ADSS2: variants seen among roughly 807,000 people sequenced by gnomAD.
ADSS2 encodes adenylosuccinate synthetase isozyme 2.
In ADSS2, 30 loss-of-function variants were observed where a neutral mutation model predicts 60.0. That is an observed-to-expected ratio of 0.50 (90% CI 0.37 to 0.68). The LOEUF (loss-of-function observed/expected upper bound fraction) is 0.68. Among genes scored for constraint, ADSS2 ranks in the 30% least tolerant of loss-of-function variants. The pLI is 0.00. For synonymous variants in ADSS2, 187 were observed against 193.1 expected, an observed-to-expected ratio of 0.97 and a Z score of 0.26; for missense variants, 373 against 554.8, an observed-to-expected ratio of 0.67 and a Z score of 3.29.
chr1:244,444,291 G>GGA (rs1455238072), intron 1 of ADSS2, among the ~76,000 whole-genome samples: 2 of 151,208 alleles, frequency 1.3e-5, no homozygotes, highest in African/African-American at 2.4e-5. Context: ...CGAGGCGGGC[G>GGA]GATCACGAGG....
chr1:244,417,117 C>T (rs1170248600), intron 10 of ADSS2, among the ~76,000 whole-genome samples: 2 of 152,150 alleles, frequency 1.3e-5, no homozygotes, highest in African/African-American at 4.8e-5. Context: ...GCTCTCACTA[C>T]GTTTCTCACC....
chr1:244,414,668 C>T (rs879914397), intron 11 of ADSS2, among the ~76,000 whole-genome samples: 2 of 152,230 alleles, frequency 1.3e-5, no homozygotes, highest in Non-Finnish European at 2.9e-5. Flanking sequence ...CCTACAGGAG[C>T]TATTCCCAGA....
intron 4 of ADSS2, among the ~76,000 whole-genome samples, chr1:244,426,705 A>T (rs1321125726): frequency 3.3e-5 from 5 of 152,126 alleles, no homozygotes; most frequent in African/African-American, 1.2e-4. Flanking sequence ...GCTTTCTCAC[A>T]TCTCCCTGAG....
chr1:244,423,749 T>A (rs1664727333), intron 6 of ADSS2, among the ~76,000 whole-genome samples: 1 of 152,202 alleles, frequency 6.6e-6, no homozygotes, highest in South Asian at 2.1e-4. Context: ...TTCTATTAAA[T>A]CACCGTCATG....
At chr1:244,429,912 AAT>A (rs1252215425) in intron 4 of ADSS2, among the ~76,000 whole-genome samples, 1 of 152,034 alleles carries the variant, frequency 6.6e-6, no homozygotes, top group African/African-American at 2.4e-5. Flanking sequence ...TAAAATAAAA[AAT>A]ATGTTTCTTA....
At chr1:244,438,221 T>C (rs1476882578) in intron 1 of ADSS2, among the ~76,000 whole-genome samples, 1 of 152,160 alleles carries the variant, frequency 6.6e-6, no homozygotes, top group African/African-American at 2.4e-5. Flanking sequence ...CCTAAGAGTG[T>C]GTCAAGCAAC....
intron 4 of ADSS2, among the ~76,000 whole-genome samples, chr1:244,425,089 T>G (rs1275370283): frequency 1.3e-5 from 2 of 152,172 alleles, no homozygotes; most frequent in Non-Finnish European, 2.9e-5. Context: ...ACATAACTTG[T>G]ACTCCCTCTC....
At chr1:244,437,014 TATAATTTAAATAC>T in intron 2 of ADSS2, 121 bp from the exon 3 acceptor site, 1 of 756,702 alleles carries the variant, frequency 1.3e-6, no homozygotes. Flanking sequence ...TACACAGGAG[TATAATTTAAATAC>T]ATAATGGAAC....
chr1:244,451,597 C>G lies in ADSS2; in HGVS notation c.183+38G>C, dbSNP rs754852056. ...ACCAGGAGCCAGGCAGCCCGAGCTC[C>G]CGGGCCCGGCTTCCCATGAGAGGCC... On this transcript the variant is annotated intron_variant, in intron 1 of 12. Coordinates refer to ENST00000366535, the MANE Select transcript of ADSS2 (RefSeq NM_001126.5). This position sits in a 1 kb window ranked among gnomAD's most constrained non-coding sequence, Gnocchi z 6.6. The G allele has an allele frequency of 1.3e-6, 2 of 1,574,104 alleles. No homozygotes were observed. The highest frequency in any genetic ancestry group is 1.7e-6 in the Non-Finnish European group (2 of 1,160,774).
chr1:244,445,796 G>A (rs879331013), intron 1 of ADSS2, among the ~76,000 whole-genome samples: 2 of 152,160 alleles, frequency 1.3e-5, no homozygotes, highest in Non-Finnish European at 2.9e-5. Context: ...CTGTGGTAGA[G>A]AGATGAAGGC....
In ADSS2 at chr1:244,436,902, A is replaced by C; in HGVS notation, c.287-9T>G. 1 of 1,609,660 alleles carries C rather than the reference A, an allele frequency of 6.2e-7. No individual in the cohort carries two copies. The highest frequency in any genetic ancestry group is 8.5e-7 in the Non-Finnish European group (1 of 1,177,382). On this transcript the variant is annotated splice_polypyrimidine_tract_variant and intron_variant, in intron 2 of 12. Coordinates refer to ENST00000366535, the MANE Select transcript of ADSS2 (RefSeq NM_001126.5). The stretch of plus-strand genomic sequence containing the variant: ...AATTACCACACCATTTCCTAAAGGA[A>C]AACCAACAAATCCCAACGGTAAACA...
rs931293090 is a variant in ADSS2 at position 244,451,600 on chromosome 1, G to T, written c.183+35C>A. The T allele has an allele frequency of 1.0e-5, 16 of 1,577,966 alleles. No individual in the cohort carries two copies. The highest frequency in any genetic ancestry group is 1.3e-5 in the Non-Finnish European group (15 of 1,162,290). ...AGGAGCCAGGCAGCCCGAGCTCCCG[G>T]GCCCGGCTTCCCATGAGAGGCCCCG... On this transcript the variant is annotated intron_variant, in intron 1 of 12. Transcript: ENST00000366535. The surrounding 1 kb of genome is among the most constrained non-coding windows in gnomAD (Gnocchi z 6.6).
chr1:244,429,955 C>A (rs1184837216), intron 4 of ADSS2, among the ~76,000 whole-genome samples: 4 of 135,602 alleles, frequency 2.9e-5, no homozygotes, highest in Non-Finnish European at 6.3e-5. Context: ...GGGAAGTGAA[C>A]CTTACAGGCT....
chr1:244,432,198 T>C (rs1298204633), intron 4 of ADSS2, among the ~76,000 whole-genome samples: 1 of 152,246 alleles, frequency 6.6e-6, no homozygotes, highest in Non-Finnish European at 1.5e-5. Context: ...AGTCACTCTA[T>C]CTGCAAAACG....
chr1:244,440,245 C>A (rs1012633345), intron 1 of ADSS2, among the ~76,000 whole-genome samples: 8 of 152,118 alleles, frequency 5.3e-5, no homozygotes, highest in Non-Finnish European at 8.8e-5. Flanking sequence ...CTGCCCGATT[C>A]ACAAGGTTAT....
intron 3 of ADSS2, among the ~76,000 whole-genome samples, chr1:244,433,535 G>T (rs895451889): frequency 6.6e-6 from 1 of 152,132 alleles, no homozygotes; most frequent in African/African-American, 2.4e-5. Flanking sequence ...GTTAATTTTA[G>T]GAATGGCATC....
chr1:244,424,440 A>G, intron 4 of ADSS2, 53 bp from the exon 5 acceptor site: 1 of 1,418,158 alleles, frequency 7.1e-7, no homozygotes. Flanking sequence ...CACAAAAGCA[A>G]AATCCACCGC....
intron 3 of ADSS2, 64 bp from the exon 4 acceptor site, chr1:244,432,659 T>TAA: frequency 2.5e-6 from 2 of 808,284 alleles, no homozygotes; most frequent in Non-Finnish European, 3.7e-6. Flanking sequence ...AATCTTAATT[T>TAA]CTTTTTTTTT....
At chr1:244,417,878 G>A (rs1166847072) in intron 9 of ADSS2, 126 bp from the exon 10 acceptor site, 6 of 861,636 alleles carry the variant, frequency 7.0e-6, no homozygotes, top group Non-Finnish European at 1.0e-5. Flanking sequence ...TAACTAAATT[G>A]AAGATAGAAT....
Sources: allele counts gnomAD v4.1 joint callset (sites outside exome capture counted in the v4.1 genomes callset), GRCh38; gene constraint gnomAD v4.1.1; non-coding constraint Gnocchi (gnomAD v3.1); transcripts MANE v1.5; gene names NCBI Gene and HGNC (gene_info 2026-07-23, HGNC 2026-07-21).